The following PAPSS1 variants were observed in gnomAD, a reference collection of about 807,000 sequenced individuals.
The protein encoded by PAPSS1 is 3'-phosphoadenosine 5'-phosphosulfate synthase 1, also known as bifunctional 3'-phosphoadenosine 5'-phosphosulfate synthase 1.
A neutral mutation model predicts 72.0 loss-of-function variants in PAPSS1; 50 were observed. The observed-to-expected ratio is 0.69, with a 90% CI of 0.55 to 0.88. The LOEUF (loss-of-function observed/expected upper bound fraction) is 0.88, where lower values mean the gene tolerates loss of function less well. Among genes scored for constraint, PAPSS1 ranks in the 40% least tolerant of loss-of-function variants. The pLI is 0.00. For synonymous variants in PAPSS1, 261 were observed against 263.6 expected, an observed-to-expected ratio of 0.99 and a Z score of 0.09; for missense variants, 657 against 782.2, an observed-to-expected ratio of 0.84 and a Z score of 1.91.
intron 10 of PAPSS1, among the ~76,000 whole-genome samples, chr4:107,644,165 T>G (rs1314963208): frequency 6.6e-6 from 1 of 152,096 alleles, no homozygotes; most frequent in African/African-American, 2.4e-5. Context: ...TTGCTGCAGC[T>G]AGCATATTGA....
At chr4:107,712,252 A>C (rs1723513307) in intron 1 of PAPSS1, among the ~76,000 whole-genome samples, 1 of 152,156 alleles carries the variant, frequency 6.6e-6, no homozygotes, top group African/African-American at 2.4e-5. Flanking sequence ...TTCATTCATT[A>C]TTTGTTGTTT....
At chr4:107,652,205 G>A (rs1279137926) in intron 9 of PAPSS1, among the ~76,000 whole-genome samples, 1 of 152,170 alleles carries the variant, frequency 6.6e-6, no homozygotes, top group Non-Finnish European at 1.5e-5. Context: ...ATATAAAAGA[G>A]AGCAGCACCA....
intron 1 of PAPSS1, among the ~76,000 whole-genome samples, chr4:107,709,690 A>T (rs1156385207): frequency 1.3e-5 from 2 of 152,186 alleles, no homozygotes; most frequent in Admixed American, 1.3e-4. Context: ...ACCTGGACCC[A>T]CCAACCACCT....
rs1725766373 is a variant in PAPSS1 at position 107,614,386 on chromosome 4, G to A, written c.1738C>T (p.His580Tyr). Residue 580 changes from histidine to tyrosine, a missense_variant and splice_region_variant, in exon 12 of 12, where the codon CAT becomes TAT. Around this residue, in one of 7 missense-constraint regions of PAPSS1, gnomAD observed 103 missense variants for 93.8 expected, o/e 1.10. Transcript: ENST00000265174. ...KRMDYYDSEH[H>Y]EDFEFISGTR... ...CCTGAAATAAATTCAAAGTCTTCATGGCTAAAGGAGAGGAAAAAAAGAAAA... is the reference window on the plus strand; with the variant it reads ...CCTGAAATAAATTCAAAGTCTTCATAGCTAAAGGAGAGGAAAAAAAGAAAA... 6.3e-7 allele frequency: 1 copy of A among 1,596,122 alleles called. No homozygotes were observed. The highest frequency in any genetic ancestry group is 1.2e-5 in the South Asian group (1 of 86,828).
At chr4:107,716,524 G>T (rs1392851375) in intron 1 of PAPSS1, among the ~76,000 whole-genome samples, 1 of 152,154 alleles carries the variant, frequency 6.6e-6, no homozygotes, top group Non-Finnish European at 1.5e-5. Context: ...CCACTGTAAG[G>T]CAGGTCCAAC....
intron 9 of PAPSS1, among the ~76,000 whole-genome samples, chr4:107,651,302 C>A (rs1726833158): frequency 6.6e-6 from 1 of 152,136 alleles, no homozygotes; most frequent in South Asian, 2.1e-4. Flanking sequence ...CAGTTCTTAA[C>A]CCATTTTATT....
intron 1 of PAPSS1, among the ~76,000 whole-genome samples, chr4:107,707,290 G>A (rs1482829399): frequency 1.3e-5 from 2 of 152,314 alleles, no homozygotes; most frequent in Non-Finnish European, 2.9e-5. Flanking sequence ...GTGCCTGCCT[G>A]TGACAGCCAG....
intron 3 of PAPSS1, among the ~76,000 whole-genome samples, chr4:107,693,236 G>A (rs62313396): frequency 0.27 from 41,683 of 152,072 alleles, 6,829 homozygotes; most frequent in East Asian, 0.45. Context: ...AGGAACAGGA[G>A]GGAGAAGAGT....
intron 3 of PAPSS1, among the ~76,000 whole-genome samples, chr4:107,691,099 C>A (rs892080152): frequency 6.6e-6 from 1 of 151,924 alleles, no homozygotes; most frequent in Non-Finnish European, 1.5e-5. Flanking sequence ...AGGACTCCTG[C>A]CATGGTTCAA....
chr4:107,677,854 T>C (rs1210253513), intron 5 of PAPSS1, among the ~76,000 whole-genome samples: 1 of 152,096 alleles, frequency 6.6e-6, no homozygotes, highest in East Asian at 1.9e-4. Context: ...TACTATGCAG[T>C]CATAAAAGAT....
At position 107,680,244 on chromosome 4, in the gene PAPSS1, A is replaced by T. The variant is rs569883969; in HGVS notation, c.669+1771T>A. ...TCTAAACAGTAAGAAAAAAGACCTA[A>T]ATCTACTACAAGACCTAGACACATG... On this transcript the variant is annotated intron_variant, in intron 5 of 11. Coordinates refer to ENST00000265174, the MANE Select transcript of PAPSS1 (RefSeq NM_005443.5). 2.0e-5 allele frequency among the ~76,000 whole-genome samples: 3 copies of T among 152,268 alleles called. No individual in the cohort carries two copies. The East Asian group carries it at 5.8e-4, about 29-fold the overall frequency.
chr4:107,631,833 C>A lies in PAPSS1; in HGVS notation c.1534G>T (p.Val512Phe). The part of the protein sequence containing the change: ...EVQWHCRARM[V>F]AGANFYIVGR... ...ACAATGTAAAAGTTGGCTCCTGCAACCATCCGTGCTCTGCAATGCCACTGG... is the reference window on the plus strand; with the variant it reads ...ACAATGTAAAAGTTGGCTCCTGCAAACATCCGTGCTCTGCAATGCCACTGG... The change falls in exon 11 of 12, where the codon GTT becomes TTT. Residue 512 changes from valine to phenylalanine, a missense_variant. Around this residue, in one of 7 missense-constraint regions of PAPSS1, gnomAD observed 166 missense variants for 228.3 expected, o/e 0.73. Transcript: ENST00000265174. 6.2e-7 allele frequency: 1 copy of A among 1,613,886 alleles called. No homozygotes were observed. The highest frequency in any genetic ancestry group is 8.5e-7 in the Non-Finnish European group (1 of 1,179,874).
Position 107,642,207 on chromosome 4 carries a change from A to G in PAPSS1, c.1506+2595T>C, listed in dbSNP as rs1303702431. On this transcript the variant is annotated intron_variant, in intron 10 of 11. Coordinates refer to ENST00000265174, the MANE Select transcript of PAPSS1 (RefSeq NM_005443.5). Reference sequence around the variant, plus strand: ...TATTTTGGAACTCTTATAGGATATTATAAGAATTTATTTCTAGTATTTTAA... The same window carrying G: ...TATTTTGGAACTCTTATAGGATATTGTAAGAATTTATTTCTAGTATTTTAA... Among the ~76,000 whole-genome samples the G allele has an allele frequency of 4.6e-5, 7 of 152,312 alleles. No individual in the cohort carries two copies. The Middle Eastern group carries it at 0.02, about 444-fold the overall frequency.
intron 1 of PAPSS1, among the ~76,000 whole-genome samples, chr4:107,709,113 C>T (rs1348597013): frequency 1.3e-5 from 2 of 152,112 alleles, no homozygotes; most frequent in Non-Finnish European, 1.5e-5. Context: ...GCCTGATTCA[C>T]GAATTGTTCT....
intron 1 of PAPSS1, among the ~76,000 whole-genome samples, chr4:107,709,414 T>C (rs1723429027): frequency 6.6e-6 from 1 of 152,162 alleles, no homozygotes; most frequent in Non-Finnish European, 1.5e-5. Context: ...TTGGGAGAAA[T>C]TTAGTTTTTA....
At chr4:107,644,092 A>G (rs1726630734) in intron 10 of PAPSS1, among the ~76,000 whole-genome samples, 1 of 152,174 alleles carries the variant, frequency 6.6e-6, no homozygotes, top group Admixed American at 6.5e-5. Flanking sequence ...GTCTTGTATT[A>G]TTTCCACTAG....
At chr4:107,648,755 G>C (rs1179738619) in intron 9 of PAPSS1, among the ~76,000 whole-genome samples, 1 of 152,162 alleles carries the variant, frequency 6.6e-6, no homozygotes, top group Non-Finnish European at 1.5e-5. Flanking sequence ...TACTAGAGTT[G>C]TGTGTGTGCT....
At chr4:107,690,907 G>A (rs566555751) in intron 3 of PAPSS1, among the ~76,000 whole-genome samples, 5 of 152,072 alleles carry the variant, frequency 3.3e-5, no homozygotes, top group Non-Finnish European at 4.4e-5. Context: ...CCCCTTTTCC[G>A]AGAGCTGCAA....
intron 5 of PAPSS1, among the ~76,000 whole-genome samples, chr4:107,663,209 G>A (rs749892704): frequency 1.9e-4 from 29 of 151,656 alleles, no homozygotes; most frequent in Non-Finnish European, 4.3e-4. Flanking sequence ...CAAAACCAAC[G>A]AGATACAAAA....
Sources: allele counts gnomAD v4.1 joint callset (sites outside exome capture counted in the v4.1 genomes callset), GRCh38; gene constraint gnomAD v4.1.1; regional missense constraint gnomAD v4.1.1; transcripts MANE v1.5; gene names NCBI Gene and HGNC (gene_info 2026-07-23, HGNC 2026-07-21).